Variants in FYN observed in about 807,000 individuals in gnomAD.
The protein encoded by FYN is tyrosine-protein kinase Fyn.
In FYN, 10 loss-of-function variants were observed where a neutral mutation model predicts 70.2. The observed-to-expected ratio is 0.14, with a 90% CI of 0.09 to 0.24. FYN has a LOEUF of 0.24. Among genes scored for constraint, FYN ranks in the 10% least tolerant of loss-of-function variants. The pLI, the probability that FYN is intolerant of heterozygous loss-of-function variation, is 1.00. For missense variants in FYN, 319 were observed against 673.1 expected (o/e 0.47, Z 5.82); for synonymous variants, 236 against 248.6 (o/e 0.95, Z 0.48).
chr6:111,784,467 T>C (rs555713808), intron 2 of FYN, among the ~76,000 whole-genome samples: 1 of 152,198 alleles, frequency 6.6e-6, no homozygotes, highest in Non-Finnish European at 1.5e-5. Flanking sequence ...CCCCATAGTA[T>C]TTCCAGTCCT....
chr6:111,711,793 C>T (rs1214127193), intron 5 of FYN, among the ~76,000 whole-genome samples: 4 of 152,234 alleles, frequency 2.6e-5, no homozygotes, highest in African/African-American at 7.2e-5. Flanking sequence ...TTTTCCTTCA[C>T]GATTTTCTCT....
chr6:111,687,605 G>GGTGTGT (rs367956399), intron 12 of FYN, among the ~76,000 whole-genome samples: 24 of 143,436 alleles, frequency 1.7e-4, no homozygotes, highest in African/African-American at 2.7e-4. Flanking sequence ...GGGGTGGGTG[G>GGTGTGT]GTGTGTGTGT....
chr6:111,765,258 C>CA (rs1322353899), intron 3 of FYN, among the ~76,000 whole-genome samples: 1 of 152,104 alleles, frequency 6.6e-6, no homozygotes, highest in Non-Finnish European at 1.5e-5. Context: ...CCCTAACCCC[C>CA]AATGTAACTG....
intron 3 of FYN, among the ~76,000 whole-genome samples, chr6:111,760,887 C>T (rs531408590): frequency 3.0e-4 from 46 of 152,372 alleles, no homozygotes; most frequent in African/African-American, 1.1e-3. Context: ...CTCCAGTCTG[C>T]CCTCGGCCTT....
chr6:111,773,596 AAGGGAGAGAGGGGG>A (rs1199412933), intron 3 of FYN, among the ~76,000 whole-genome samples: 1 of 18,976 alleles, frequency 5.3e-5, no homozygotes, highest in Non-Finnish European at 8.6e-5. Context: ...GGGAAAGGGA[AAGGGAGAGAGGGGG>A]AGGGAGAGAG....
chr6:111,686,185 C>T (rs1798995575), intron 12 of FYN, among the ~76,000 whole-genome samples: 1 of 152,100 alleles, frequency 6.6e-6, no homozygotes, highest in South Asian at 2.1e-4. Context: ...TTAATCTGGG[C>T]CCCGAAGCTC....
At chr6:111,693,197 A>C (rs1343105339) in intron 12 of FYN, among the ~76,000 whole-genome samples, 1 of 152,196 alleles carries the variant, frequency 6.6e-6, no homozygotes, top group Non-Finnish European at 1.5e-5. Context: ...ATTGGCATGA[A>C]ATGAAAGAAT....
chr6:111,702,904 C>A lies in FYN; in HGVS notation c.678G>T (p.Gln226His), dbSNP rs1799905832. 1.2e-6 allele frequency: 2 copies of A among 1,614,070 alleles called. No individual in the cohort carries two copies. ...GGTTACCTGAGTAATGTTGTACAAG[C>A]TGCTGAAGTGTTTCAAACTGGGCCC... is the stretch of plus-strand genomic sequence containing the variant. ...TTRAQFETLQ[Q>H]LVQHYSERAA... The change falls in exon 8 of 14, where the codon CAG (glutamine) becomes CAT (histidine). Residue 226 changes from glutamine to histidine, a missense_variant. By Grantham distance (24) the Gln-to-His change is conservative (BLOSUM62 0). Coordinates refer to ENST00000354650, the MANE Select transcript of FYN (RefSeq NM_002037.5).
intron 12 of FYN, among the ~76,000 whole-genome samples, chr6:111,682,696 GA>G: frequency 6.6e-6 from 1 of 152,196 alleles, no homozygotes; most frequent in Admixed American, 6.5e-5. Context: ...GGACCACTAT[GA>G]TCATTTAGGA....
intron 12 of FYN, chr6:111,676,629 T>C (rs1798539557): frequency 6.6e-6 from 1 of 152,258 alleles, no homozygotes; most frequent in Non-Finnish European, 1.5e-5. Context: ...GCTGGAGTTC[T>C]CTTACTTCAG....
At chr6:111,750,827 T>C (rs986894597) in intron 3 of FYN, among the ~76,000 whole-genome samples, 2 of 152,078 alleles carry the variant, frequency 1.3e-5, no homozygotes, top group African/African-American at 4.8e-5. Flanking sequence ...AAGGAACTTA[T>C]TTTAAAAAGC....
At chr6:111,668,519 G>T (rs201989242) in intron 13 of FYN, among the ~76,000 whole-genome samples, 2 of 148,954 alleles carry the variant, frequency 1.3e-5, no homozygotes, top group Non-Finnish European at 3.0e-5. Flanking sequence ...AAAAAAAAAG[G>T]AGTGAAAAAG....
intron 2 of FYN, among the ~76,000 whole-genome samples, chr6:111,831,437 G>A (rs764154098): frequency 6.6e-6 from 1 of 152,034 alleles, no homozygotes; most frequent in Admixed American, 6.6e-5. Flanking sequence ...GCAAGTATAG[G>A]TTCCTCACAA....
chr6:111,725,745 T>C (rs1377238302), intron 3 of FYN, among the ~76,000 whole-genome samples: 1 of 152,232 alleles, frequency 6.6e-6, no homozygotes, highest in Non-Finnish European at 1.5e-5. Context: ...AGTGAAAATA[T>C]GTGCCTTGCT....
chr6:111,776,938 A>C (rs1770964583), intron 3 of FYN, among the ~76,000 whole-genome samples: 1 of 152,192 alleles, frequency 6.6e-6, no homozygotes, highest in Non-Finnish European at 1.5e-5. Flanking sequence ...AAAATACTCA[A>C]TCTCAATCAT....
chr6:111,796,985 C>T (rs1180450366), intron 2 of FYN, among the ~76,000 whole-genome samples: 1 of 152,182 alleles, frequency 6.6e-6, no homozygotes, highest in Non-Finnish European at 1.5e-5. Flanking sequence ...CTTTAAAACA[C>T]CCACCTCAGT....
intron 13 of FYN, among the ~76,000 whole-genome samples, chr6:111,662,791 TG>T (rs1267985913): frequency 6.6e-6 from 1 of 152,240 alleles, no homozygotes; most frequent in African/African-American, 2.4e-5. Flanking sequence ...GGGCACTGTC[TG>T]GCCCTGCAAC....
intron 3 of FYN, among the ~76,000 whole-genome samples, chr6:111,737,501 C>T (rs1432353140): frequency 6.6e-6 from 1 of 152,310 alleles, no homozygotes; most frequent in South Asian, 2.1e-4. Context: ...TTAAAGGATA[C>T]AGATGAAGAG....
chr6:111,678,782 A>G (rs958587949), intron 12 of FYN, among the ~76,000 whole-genome samples: 3 of 152,026 alleles, frequency 2.0e-5, no homozygotes, highest in Admixed American at 6.6e-5. Context: ...TCACCTGGAC[A>G]CTCTATTTTT....
Sources: gnomAD v4.1 joint callset for allele counts (sites outside exome capture counted in the v4.1 genomes callset) on GRCh38, gnomAD v4.1.1 for gene constraint, MANE v1.5 for transcripts, NCBI Gene and HGNC (gene_info 2026-07-23, HGNC 2026-07-21) for gene names.